GFI1B: variants seen among roughly 807,000 people sequenced by gnomAD.
GFI1B encodes the protein zinc finger protein Gfi-1b.
Under a neutral mutation model 35.3 loss-of-function variants are expected in GFI1B, and 20 were observed. The observed-to-expected ratio is 0.57, with a 90% confidence interval of 0.40 to 0.82. The LOEUF (loss-of-function observed/expected upper bound fraction) is 0.82, where lower values mean the gene tolerates loss of function less well. Among genes scored for constraint, GFI1B ranks in the 40% least tolerant of loss-of-function variants. The pLI, the probability that GFI1B is intolerant of heterozygous loss-of-function variation, is 0.00. For missense variants in GFI1B, 430 were observed against 446.3 expected (o/e 0.96, Z 0.33); for synonymous variants, 178 against 177.6 (o/e 1.00, Z -0.02).
At chr9:132,985,914 G>A (rs544751850) in intron 1 of GFI1B, among the ~76,000 whole-genome samples, 2 of 152,268 alleles carry the variant, frequency 1.3e-5, no homozygotes, top group South Asian at 2.1e-4. Context: ...CTAGAATTGG[G>A]GTCCACTGTG....
intron 1 of GFI1B, among the ~76,000 whole-genome samples, chr9:132,970,429 ACACGCACGCATG>A (rs1340305763): frequency 6.6e-6 from 1 of 152,132 alleles, no homozygotes; most frequent in African/African-American, 2.4e-5. Context: ...TAATGAACAC[ACACGCACGCATG>A]CACGCACGCA....
Position 132,987,262 on chromosome 9 carries a change from A to T in GFI1B, c.101-20A>T. The T allele has an allele frequency of 6.2e-7, 1 of 1,612,714 alleles. No individual in the cohort carries two copies. The highest frequency in any genetic ancestry group is 8.5e-7 in the Non-Finnish European group (1 of 1,179,336). On this transcript the variant is annotated intron_variant, in intron 2 of 6. Coordinates refer to ENST00000372122, the MANE Select transcript of GFI1B (RefSeq NM_001377304.1). ...CCAGAAACCGTGGCTATTGATGCTGATGGTCCTATCTCCCCACAGTGCCCA... is the reference window on the plus strand; with the variant it reads ...CCAGAAACCGTGGCTATTGATGCTGTTGGTCCTATCTCCCCACAGTGCCCA...
intron 2 of GFI1B, 45 bp downstream of exon 2, chr9:132,986,823 T>C: frequency 8.4e-7 from 1 of 1,196,688 alleles, no homozygotes; most frequent in Non-Finnish European, 1.2e-6. Context: ...CACGGGGGGC[T>C]CTCTGCTCTG....
downstream of GFI1B, among the ~76,000 whole-genome samples, chr9:132,992,746 T>C: frequency 6.6e-6 from 1 of 152,156 alleles, no homozygotes; most frequent in South Asian, 2.1e-4. Context: ...TAGGAGCCAT[T>C]GAATGTGGAA....
At position 132,982,377 on chromosome 9, in the gene GFI1B, C is replaced by T. The variant is rs554222599; in HGVS notation, c.-21+3536C>T. Among the ~76,000 whole-genome samples, 4 of 152,320 alleles carry T rather than the reference C, an allele frequency of 2.6e-5. No individual in the cohort carries two copies. The East Asian group carries it at 7.7e-4, about 29-fold the overall frequency. ...CAACAAAGGGGCCTCATTACAGGGACATCACAGGCCTGTTGACCCAAGTCC... is the reference window on the plus strand; with the variant it reads ...CAACAAAGGGGCCTCATTACAGGGATATCACAGGCCTGTTGACCCAAGTCC... On this transcript the variant is annotated intron_variant, in intron 1 of 6. Coordinates refer to ENST00000372122, the MANE Select transcript of GFI1B (RefSeq NM_001377304.1).
At chr9:132,947,412 CAAAA>C (rs35035214) in intron 1 of GFI1B, among the ~76,000 whole-genome samples, 18 of 95,946 alleles carry the variant, frequency 1.9e-4, no homozygotes, top group African/African-American at 4.4e-4. Context: ...TTTAATCGAG[CAAAA>C]AAAAAAAAAA....
intron 1 of GFI1B, among the ~76,000 whole-genome samples, chr9:132,960,542 C>G (rs534507671): frequency 1.2e-4 from 18 of 152,040 alleles, no homozygotes; most frequent in African/African-American, 4.3e-4. Flanking sequence ...TTTGTCCCTG[C>G]TTGGAGTACA....
intron 6 of GFI1B, among the ~76,000 whole-genome samples, chr9:132,990,297 ACTCATTCATTTG>A (rs1478828949): frequency 3.3e-5 from 5 of 151,576 alleles, no homozygotes; most frequent in Non-Finnish European, 4.4e-5. Flanking sequence ...TCATTTGTTC[ACTCATTCATTTG>A]CTCATTCATT....
At chr9:132,976,817 C>T (rs1434102493), upstream of GFI1B, among the ~76,000 whole-genome samples, 2 of 152,166 alleles carry the variant, frequency 1.3e-5, no homozygotes, top group Non-Finnish European at 2.9e-5. Flanking sequence ...GGTGGTGCGC[C>T]TGTAGTCCCA....
intron 1 of GFI1B, among the ~76,000 whole-genome samples, chr9:132,955,480 G>A (rs537682829): frequency 1.2e-4 from 19 of 152,050 alleles, no homozygotes; most frequent in African/African-American, 4.6e-4. Flanking sequence ...TTTATTAGAG[G>A]TGAATTCTCC....
rs773323314 is a variant in GFI1B, at chr9:132,991,057, G to A, written c.*7G>A. 1.6e-5 allele frequency: 25 copies of A among 1,611,998 alleles called. No individual in the cohort carries two copies. Among genetic ancestry groups the A allele is most frequent in the Admixed American group, 5.0e-5 (3 of 60,022 alleles). On this transcript the variant is annotated 3_prime_UTR_variant, in exon 7 of 7. Transcript: ENST00000372122. ...CCAGCACAATCTCAAGTGAGGCTGC[G>A]CCGGCTCCCAGCTCCTGGCCAGCCT...
At chr9:132,963,498 T>C (rs1260378849) in intron 1 of GFI1B, among the ~76,000 whole-genome samples, 1 of 151,736 alleles carries the variant, frequency 6.6e-6, no homozygotes, top group African/African-American at 2.4e-5. Context: ...TTATTATTAT[T>C]ATTATTGTTA....
intron 1 of GFI1B, among the ~76,000 whole-genome samples, chr9:132,983,520 C>T (rs1175740516): frequency 1.3e-5 from 2 of 152,122 alleles, no homozygotes. Context: ...CTTGCCCCAG[C>T]ACCCTGCATT....
rs938560000 is a variant in GFI1B at position 132,986,751 on chromosome 9, C to T, written c.73C>T (p.Pro25Ser). 2 of 1,612,114 alleles carry T rather than the reference C, an allele frequency of 1.2e-6. No homozygotes were observed. The highest frequency in any genetic ancestry group is 2.2e-5 in the East Asian group (1 of 44,858). ...CCAGCCCCGTGTGCAGGAAGATGAACCGCTCTGGCCTCCTGCCCTTACCCC... is the reference window on the plus strand; with the variant it reads ...CCAGCCCCGTGTGCAGGAAGATGAATCGCTCTGGCCTCCTGCCCTTACCCC... ...YHQPRVQEDE[P>S]LWPPALTPVP... Residue 25 changes from proline (P) to serine (S), a missense_variant, in exon 2 of 7, where the codon CCG becomes TCG. By Grantham distance (74) the Pro-to-Ser change is moderately conservative (BLOSUM62 -1). Coordinates refer to ENST00000372122, the MANE Select transcript of GFI1B (RefSeq NM_001377304.1).
chr9:132,984,284 C>G (rs2519085), intron 1 of GFI1B, among the ~76,000 whole-genome samples: 12,958 of 151,940 alleles, frequency 0.085, 597 homozygotes, highest in Middle Eastern at 0.14. Flanking sequence ...TTTCTTGAAG[C>G]GAAGAAGAGT....
In GFI1B at chr9:132,990,788, AC is replaced by A; in HGVS notation, c.815-81del. 5 of 1,248,870 alleles carry A rather than the reference AC, an allele frequency of 4.0e-6. 1 individual carries two copies. The highest frequency in any genetic ancestry group is 2.4e-5 in the South Asian group (2 of 82,228). 77.4% of individuals were successfully genotyped at this position (1,248,870 alleles called of 1,614,324 possible). On this transcript the variant is annotated intron_variant, in intron 6 of 6. Transcript: ENST00000372122. ...AACACAGGAAGGTATTGGAAAATGA[AC>A]CCGGGGGCAGGGCAGGGGAGCAGCA...
intron 1 of GFI1B, among the ~76,000 whole-genome samples, chr9:132,985,356 G>A (rs910621407): frequency 6.6e-6 from 1 of 152,142 alleles, no homozygotes; most frequent in Non-Finnish European, 1.5e-5. Flanking sequence ...GTGGTCCTTG[G>A]TTTCTTCTCC....
At chr9:132,984,019 C>G (rs1848929332) in intron 1 of GFI1B, among the ~76,000 whole-genome samples, 1 of 152,354 alleles carries the variant, frequency 6.6e-6, no homozygotes, top group South Asian at 2.1e-4. Flanking sequence ...ACAAGGCAGG[C>G]TAAGCAGCCC....
chr9:132,946,985 T>G (rs1588399965), intron 1 of GFI1B: 2 of 152,588 alleles, frequency 1.3e-5, no homozygotes, highest in South Asian at 2.1e-4. Flanking sequence ...TACTACCATC[T>G]CCTGCCACTT....
Sources: allele counts gnomAD v4.1 joint callset (sites outside exome capture counted in the v4.1 genomes callset), GRCh38; gene constraint gnomAD v4.1.1; transcripts MANE v1.5; gene names NCBI Gene and HGNC (gene_info 2026-07-23, HGNC 2026-07-21).